Variants in PPP1R14C observed in about 807,000 individuals in gnomAD.
PPP1R14C encodes protein phosphatase 1 regulatory inhibitor subunit 14C.
A neutral mutation model predicts 20.4 loss-of-function variants in PPP1R14C; 16 were observed. The ratio of observed to expected loss-of-function variants is 0.78; its 90% confidence interval spans 0.53 to 1.19. The LOEUF (loss-of-function observed/expected upper bound fraction) is 1.19. Among genes scored for constraint, PPP1R14C ranks in the 50% most tolerant of loss-of-function variants. PPP1R14C has a pLI of 0.00. For missense variants in PPP1R14C, 211 were observed against 220.1 expected, an observed-to-expected ratio of 0.96 and a Z score of 0.26; for synonymous variants, 91 against 91.0, an observed-to-expected ratio of 1.00 and a Z score of 0.00.
At chr6:150,233,012 G>C (rs1778311786) in intron 3 of PPP1R14C, among the ~76,000 whole-genome samples, 1 of 152,230 alleles carries the variant, frequency 6.6e-6, no homozygotes, top group African/African-American at 2.4e-5. Flanking sequence ...CAGTGAGTTA[G>C]TTCACTTTTG....
At chr6:150,219,338 T>C (rs898587509) in intron 3 of PPP1R14C, among the ~76,000 whole-genome samples, 7 of 151,876 alleles carry the variant, frequency 4.6e-5, no homozygotes, top group African/African-American at 1.7e-4. Flanking sequence ...AAGTGATTCT[T>C]GTGCTTCAGC....
At chr6:150,169,751 C>T (rs928782100) in intron 1 of PPP1R14C, among the ~76,000 whole-genome samples, 3 of 152,216 alleles carry the variant, frequency 2.0e-5, no homozygotes, top group African/African-American at 7.2e-5. Flanking sequence ...CAAACTCCCC[C>T]ACATCTTAGT....
chr6:150,178,699 G>C (rs1777589251), intron 1 of PPP1R14C, among the ~76,000 whole-genome samples: 1 of 152,196 alleles, frequency 6.6e-6, no homozygotes, highest in Non-Finnish European at 1.5e-5. Context: ...TACTGCATCA[G>C]AAATAGTAAC....
chr6:150,172,030 A>G (rs1486453935), intron 1 of PPP1R14C, among the ~76,000 whole-genome samples: 1 of 151,324 alleles, frequency 6.6e-6, no homozygotes. Context: ...CTGTTCTCAA[A>G]CTCCTGACCT....
intron 1 of PPP1R14C, among the ~76,000 whole-genome samples, chr6:150,147,400 G>A (rs1777192140): frequency 6.6e-6 from 1 of 151,842 alleles, no homozygotes; most frequent in Admixed American, 6.6e-5. Flanking sequence ...GGCTGGTCTC[G>A]AACTCCTGAT....
At chr6:150,204,501 G>T (rs1777919260) in intron 1 of PPP1R14C, among the ~76,000 whole-genome samples, 1 of 152,188 alleles carries the variant, frequency 6.6e-6, no homozygotes, top group African/African-American at 2.4e-5. Context: ...CATTTACATG[G>T]AATATTTATT....
intron 3 of PPP1R14C, among the ~76,000 whole-genome samples, chr6:150,235,801 T>C (rs78245816): frequency 2.4e-4 from 37 of 152,330 alleles, no homozygotes; most frequent in African/African-American, 8.7e-4. Flanking sequence ...TGGAGATTTT[T>C]ATTGTCCCCT....
chr6:150,227,074 T>C (rs1412018955), intron 3 of PPP1R14C, among the ~76,000 whole-genome samples: 1 of 152,238 alleles, frequency 6.6e-6, no homozygotes. Context: ...CAATCATTTA[T>C]TTAGCATTTA....
intron 1 of PPP1R14C, among the ~76,000 whole-genome samples, chr6:150,150,351 G>T (rs1399666026): frequency 7.2e-5 from 11 of 152,150 alleles, no homozygotes; most frequent in Non-Finnish European, 1.5e-5. Flanking sequence ...TTTTGCAAAT[G>T]TGATCTTCCC....
rs780396442 is a variant in PPP1R14C, at chr6:150,248,988, G to A, written c.*168G>A. 2.2e-6 allele frequency: 1 copy of A among 457,368 alleles called. No individual in the cohort carries two copies. The highest frequency in any genetic ancestry group is 3.2e-5 in the East Asian group (1 of 31,308). The allele number at this position is 457,368 out of a possible 1,614,324, so 28.3% of individuals were successfully genotyped here. On this transcript the variant is annotated 3_prime_UTR_variant, in exon 4 of 4. Transcript: ENST00000361131. ...GGGTCTATTAGACATTTATTCAAGA[G>A]CGTTCTTTTTTTGGTTTTAAAGGTT...
At chr6:150,236,629 G>GTGTGTGTGT (rs1778363771) in intron 3 of PPP1R14C, among the ~76,000 whole-genome samples, 1 of 151,356 alleles carries the variant, frequency 6.6e-6, no homozygotes, top group Non-Finnish European at 1.5e-5. Flanking sequence ...GTGTGTGTGT[G>GTGTGTGTGT]TGTGTGTGTG....
chr6:150,159,219 G>A (rs753258541), intron 1 of PPP1R14C, among the ~76,000 whole-genome samples: 1 of 152,194 alleles, frequency 6.6e-6, no homozygotes, highest in Non-Finnish European at 1.5e-5. Context: ...GATCTGTGCA[G>A]TTTAGGATAT....
intron 1 of PPP1R14C, among the ~76,000 whole-genome samples, chr6:150,182,182 G>A (rs1229673931): frequency 6.6e-6 from 1 of 152,170 alleles, no homozygotes; most frequent in Non-Finnish European, 1.5e-5. Context: ...CTGTGTAGTG[G>A]TCATGGGCAT....
At chr6:150,230,693 G>A (rs1251600323) in intron 3 of PPP1R14C, among the ~76,000 whole-genome samples, 1 of 152,162 alleles carries the variant, frequency 6.6e-6, no homozygotes, top group Non-Finnish European at 1.5e-5. Flanking sequence ...GGGATTTTAA[G>A]CATTTCTTCT....
At chr6:150,217,519 G>A (rs902553869) in intron 3 of PPP1R14C, among the ~76,000 whole-genome samples, 1 of 152,026 alleles carries the variant, frequency 6.6e-6, no homozygotes, top group Non-Finnish European at 1.5e-5. Context: ...TTTTAAAAGC[G>A]TAAAGGCAGG....
chr6:150,205,621 C>T (rs1344563888), intron 1 of PPP1R14C, among the ~76,000 whole-genome samples: 2 of 151,726 alleles, frequency 1.3e-5, no homozygotes, highest in African/African-American at 2.4e-5. Flanking sequence ...GGTGATACCC[C>T]GTCTCTACTG....
intron 3 of PPP1R14C, among the ~76,000 whole-genome samples, chr6:150,229,859 A>AT (rs1218266933): frequency 6.6e-6 from 1 of 152,184 alleles, no homozygotes; most frequent in African/African-American, 2.4e-5. Context: ...CTCTCGAAAG[A>AT]TAAAAACAAC....
chr6:150,170,072 C>T (rs1051778065), intron 1 of PPP1R14C, among the ~76,000 whole-genome samples: 3 of 152,142 alleles, frequency 2.0e-5, no homozygotes, highest in South Asian at 2.1e-4. Context: ...TTGGAGGTCA[C>T]ATAGTATTGC....
intron 1 of PPP1R14C, among the ~76,000 whole-genome samples, chr6:150,163,876 T>C (rs1393484226): frequency 2.6e-5 from 4 of 152,202 alleles, no homozygotes; most frequent in Non-Finnish European, 5.9e-5. Flanking sequence ...TGTCTGCATT[T>C]CTGTTGGCTT....
Sources: gnomAD v4.1 joint callset for allele counts (sites outside exome capture counted in the v4.1 genomes callset) on GRCh38, gnomAD v4.1.1 for gene constraint, MANE v1.5 for transcripts, NCBI Gene and HGNC (gene_info 2026-07-23, HGNC 2026-07-21) for gene names.